The following GABBR2 variants were observed in gnomAD, a reference collection of about 807,000 sequenced individuals.
GABBR2 encodes the protein gamma-aminobutyric acid type B receptor subunit 2, also known as G-protein coupled receptor 51.
Under a neutral mutation model 105.6 loss-of-function variants are expected in GABBR2, and 23 were observed. The observed-to-expected ratio is 0.22, with a 90% confidence interval of 0.16 to 0.31. The LOEUF (loss-of-function observed/expected upper bound fraction) is 0.31. Among genes scored for constraint, GABBR2 ranks in the 10% least tolerant of loss-of-function variants. The pLI is 1.00. For synonymous variants in GABBR2, 478 were observed against 499.7 expected (o/e 0.96, Z 0.58); for missense variants, 734 against 1,245.5 (o/e 0.59, Z 6.18).
At chr9:98,624,031 C>G (rs1829702195) in intron 1 of GABBR2, among the ~76,000 whole-genome samples, 1 of 152,198 alleles carries the variant, frequency 6.6e-6, no homozygotes, top group Non-Finnish European at 1.5e-5. Context: ...CTGCAGAGCC[C>G]AAGCCCTCCG....
chr9:98,294,226 C>A (rs2131336774), intron 17 of GABBR2, among the ~76,000 whole-genome samples: 1 of 152,262 alleles, frequency 6.6e-6, no homozygotes, highest in Middle Eastern at 3.4e-3. Context: ...TTCTAACATT[C>A]TTTTTCACAG....
chr9:98,400,450 C>A (rs1275089155), intron 8 of GABBR2, among the ~76,000 whole-genome samples: 1 of 152,156 alleles, frequency 6.6e-6, no homozygotes, highest in Non-Finnish European at 1.5e-5. Context: ...CAAGGCCATT[C>A]TGCAGAGCAA....
chr9:98,342,763 T>G (rs1433824744), intron 13 of GABBR2, among the ~76,000 whole-genome samples: 1 of 152,198 alleles, frequency 6.6e-6, no homozygotes, highest in African/African-American at 2.4e-5. Flanking sequence ...CCAAAGCCTT[T>G]GGCCACCAGG....
chr9:98,569,268 G>C (rs192567879), intron 2 of GABBR2, among the ~76,000 whole-genome samples: 14 of 152,314 alleles, frequency 9.2e-5, no homozygotes, highest in African/African-American at 3.4e-4. Context: ...GGGCCAGGTT[G>C]TGGCGGGATT....
intron 18 of GABBR2, among the ~76,000 whole-genome samples, chr9:98,291,757 G>A (rs560814196): frequency 6.1e-4 from 93 of 152,276 alleles, no homozygotes; most frequent in African/African-American, 2.2e-3. Flanking sequence ...CTGTTTCCCT[G>A]TCTGGAAGAC....
At chr9:98,475,508 T>C (rs931910718) in intron 5 of GABBR2, among the ~76,000 whole-genome samples, 9 of 152,332 alleles carry the variant, frequency 5.9e-5, no homozygotes, top group Middle Eastern at 3.4e-3. Context: ...AGAGATCTCA[T>C]GTGTATTGAG....
intron 13 of GABBR2, among the ~76,000 whole-genome samples, chr9:98,314,423 C>T (rs1416264232): frequency 6.6e-6 from 1 of 152,058 alleles, no homozygotes; most frequent in African/African-American, 2.4e-5. Flanking sequence ...AACCCATTAA[C>T]GGTGATCCTG....
chr9:98,679,476 T>G (rs907552266), intron 1 of GABBR2, among the ~76,000 whole-genome samples: 2 of 152,220 alleles, frequency 1.3e-5, no homozygotes, highest in Non-Finnish European at 1.5e-5. Flanking sequence ...ATTAAAACAC[T>G]GAGTAATTAA....
intron 7 of GABBR2, among the ~76,000 whole-genome samples, chr9:98,410,796 ATCAAC>A (rs1832578165): frequency 6.6e-6 from 1 of 152,126 alleles, no homozygotes; most frequent in Non-Finnish European, 1.5e-5. Context: ...TCTGGTATCA[ATCAAC>A]ATCCAGTCAA....
At chr9:98,507,525 A>G (rs1827537852) in intron 3 of GABBR2, among the ~76,000 whole-genome samples, 1 of 152,172 alleles carries the variant, frequency 6.6e-6, no homozygotes, top group Non-Finnish European at 1.5e-5. Context: ...TATTGACCCA[A>G]TGATTTTGAA....
chr9:98,522,496 C>T (rs2131714803), intron 3 of GABBR2, among the ~76,000 whole-genome samples: 1 of 152,108 alleles, frequency 6.6e-6, no homozygotes, highest in Middle Eastern at 3.4e-3. Context: ...GACTAAAAAA[C>T]TTTATCTCCA....
In GABBR2 at chr9:98,708,687, TGGCGGC is replaced by T. The variant is rs751111546; in HGVS notation, c.45_50del (p.Pro19_Pro20del). On this transcript the variant is annotated inframe_deletion, in exon 1 of 19. Coordinates refer to ENST00000259455, the MANE Select transcript of GABBR2 (RefSeq NM_005458.8). ...GCAGTAGCAGGCGCGCGGGCGGCGG[TGGCGGC>T]GGCGGCGGCGGCCCGGGCTGCCCGG... The T allele has an allele frequency of 3.8e-6, 4 of 1,065,970 alleles. No individual in the cohort carries two copies. Among genetic ancestry groups the T allele is most frequent in the Non-Finnish European group, 4.5e-6 (4 of 883,594 alleles). The allele number at this position is 1,065,970 out of a possible 1,614,324, so 66.0% of individuals were successfully genotyped here.
At chr9:98,301,244 G>T (rs1564007874) in intron 16 of GABBR2, among the ~76,000 whole-genome samples, 3 of 152,208 alleles carry the variant, frequency 2.0e-5, no homozygotes, top group Admixed American at 6.5e-5. Context: ...GGGGTCAGGG[G>T]GAGCCTTGGG....
At chr9:98,618,858 T>C (rs1247295180) in intron 1 of GABBR2, among the ~76,000 whole-genome samples, 3 of 152,222 alleles carry the variant, frequency 2.0e-5, no homozygotes, top group Non-Finnish European at 4.4e-5. Flanking sequence ...CTGGGGCTTC[T>C]GGTCCCAACT....
At chr9:98,595,145 G>A (rs1002184017) in intron 1 of GABBR2, among the ~76,000 whole-genome samples, 2 of 152,098 alleles carry the variant, frequency 1.3e-5, no homozygotes, top group Non-Finnish European at 2.9e-5. Flanking sequence ...TGAGATCAAG[G>A]CGCCAGCAGA....
chr9:98,570,067 C>A (rs1208547607), intron 2 of GABBR2, among the ~76,000 whole-genome samples: 1 of 152,186 alleles, frequency 6.6e-6, no homozygotes, highest in Non-Finnish European at 1.5e-5. Context: ...AAGTCCTAAA[C>A]GTATTGGGAC....
chr9:98,363,869 T>G (rs1055384709), intron 12 of GABBR2, among the ~76,000 whole-genome samples: 1 of 152,280 alleles, frequency 6.6e-6, no homozygotes, highest in African/African-American at 2.4e-5. Context: ...GACCTGTATT[T>G]CATTCACTTC....
intron 16 of GABBR2, among the ~76,000 whole-genome samples, chr9:98,301,290 T>A (rs1280448186): frequency 6.6e-6 from 1 of 152,146 alleles, no homozygotes; most frequent in Non-Finnish European, 1.5e-5. Context: ...TGAAGCTATC[T>A]CTAGATATGT....
rs150472683 is a variant in GABBR2 at position 98,622,551 on chromosome 9, G to T, written c.322-44479C>A. Among the ~76,000 whole-genome samples the T allele has an allele frequency of 3.3e-5, 5 of 152,278 alleles. No homozygotes were observed. In the East Asian group the frequency reaches 9.6e-4, roughly 29 times the overall value. ...GCAGTCTAGGCAAGTTTCAAGAGAAGCAAGAGTGATTAAGACCCACACCTG... is the reference window on the plus strand; with the variant it reads ...GCAGTCTAGGCAAGTTTCAAGAGAATCAAGAGTGATTAAGACCCACACCTG... On this transcript the variant is annotated intron_variant, in intron 1 of 18. Transcript: ENST00000259455.
Sources: gnomAD v4.1 joint callset for allele counts (sites outside exome capture counted in the v4.1 genomes callset) on GRCh38, gnomAD v4.1.1 for gene constraint, MANE v1.5 for transcripts, NCBI Gene and HGNC (gene_info 2026-07-23, HGNC 2026-07-21) for gene names.